Variants in AQP9 observed in about 807,000 individuals in gnomAD.
The protein encoded by AQP9 is aquaporin 9.
AQP9 carries 19 observed loss-of-function variants against 23.8 expected under a neutral mutation model. That is an observed-to-expected ratio of 0.80 (90% CI 0.56 to 1.17). The LOEUF (loss-of-function observed/expected upper bound fraction) is 1.17, where lower values mean the gene tolerates loss of function less well. Ranked by LOEUF, AQP9 falls within the 50% of genes most tolerant of loss-of-function variation. The pLI is 0.00. For missense variants in AQP9, 413 were observed against 362.0 expected (o/e 1.14, Z -1.14); for synonymous variants, 153 against 131.5 (o/e 1.16, Z -1.12).
chr15:58,142,211 T>C (rs1294701269), intron 1 of AQP9, among the ~76,000 whole-genome samples: 1 of 152,192 alleles, frequency 6.6e-6, no homozygotes, highest in African/African-American at 2.4e-5. Context: ...TGTTTGAATG[T>C]TTCCTGAAGA....
intron 2 of AQP9, among the ~76,000 whole-genome samples, chr15:58,168,548 C>T (rs570271163): frequency 2.6e-5 from 4 of 151,952 alleles, no homozygotes; most frequent in Admixed American, 6.5e-5. Context: ...TTCCATATTA[C>T]AGCCAGACTC....
chr15:58,143,107 T>C (rs1897979391), intron 1 of AQP9, among the ~76,000 whole-genome samples: 1 of 152,220 alleles, frequency 6.6e-6, no homozygotes, highest in Non-Finnish European at 1.5e-5. Context: ...CATCAGAGGA[T>C]GTCTACCGTC....
At chr15:58,170,823 TG>T (rs1898603797) in intron 2 of AQP9, among the ~76,000 whole-genome samples, 1 of 152,220 alleles carries the variant, frequency 6.6e-6, no homozygotes, top group Non-Finnish European at 1.5e-5. Context: ...AACCTACTTA[TG>T]GGAAATTTTA....
chr15:58,168,259 G>A (rs1898551048), intron 2 of AQP9, among the ~76,000 whole-genome samples: 1 of 151,812 alleles, frequency 6.6e-6, no homozygotes. Flanking sequence ...TTGAACTCCT[G>A]GACTCAAGTG....
chr15:58,144,790 C>G (rs764745212), intron 1 of AQP9, among the ~76,000 whole-genome samples: 1 of 151,060 alleles, frequency 6.6e-6, no homozygotes, highest in Non-Finnish European at 1.5e-5. Flanking sequence ...CCGAGGTGGG[C>G]GGATCAAGAG....
chr15:58,153,386 C>T (rs1898187520), intron 1 of AQP9: 2 of 152,076 alleles, frequency 1.3e-5, no homozygotes, highest in Non-Finnish European at 2.9e-5. Flanking sequence ...TCTGCTTCTA[C>T]CCTTTAATAG....
At chr15:58,169,526 C>A (rs1898576225) in intron 2 of AQP9, among the ~76,000 whole-genome samples, 1 of 152,124 alleles carries the variant, frequency 6.6e-6, no homozygotes, top group Non-Finnish European at 1.5e-5. Context: ...ACTTTCTCAT[C>A]GTGGCTGCAG....
intron 2 of AQP9, 114 bp downstream of exon 2, chr15:58,166,913 G>A: frequency 1.5e-6 from 2 of 1,347,216 alleles, no homozygotes; most frequent in Non-Finnish European, 2.0e-6. Flanking sequence ...TCCTGCAAGA[G>A]TGTGTATTGG....
intron 1 of AQP9, among the ~76,000 whole-genome samples, chr15:58,157,619 G>C (rs12594625): frequency 6.6e-6 from 1 of 151,940 alleles, no homozygotes; most frequent in African/African-American, 2.4e-5. Flanking sequence ...TTTAATCAGC[G>C]TTAGCGGGGA....
At chr15:58,161,054 G>C (rs531696698) in intron 1 of AQP9, among the ~76,000 whole-genome samples, 11 of 152,266 alleles carry the variant, frequency 7.2e-5, no homozygotes, top group African/African-American at 2.4e-4. Context: ...GGACCAGCTT[G>C]AGGACTCTGG....
At chr15:58,173,580 A>T (rs904266832) in intron 3 of AQP9, among the ~76,000 whole-genome samples, 18 of 151,760 alleles carry the variant, frequency 1.2e-4, no homozygotes, top group Non-Finnish European at 2.5e-4. Flanking sequence ...TGAGAGAAGG[A>T]CTCTGGGAAG....
In AQP9 at chr15:58,142,835, T is replaced by A. The variant is rs542477256; in HGVS notation, c.111+4159T>A. 2.0e-5 allele frequency among the ~76,000 whole-genome samples: 3 copies of A among 152,278 alleles called. No homozygotes were observed. The East Asian group carries it at 5.8e-4, about 29-fold the overall frequency. On this transcript the variant is annotated intron_variant, in intron 1 of 5. Transcript: ENST00000219919. ...ACCATCCATCTCTCCAAGTCTAGGGTGCCCAGGACTGAGGGTCACATGGAG... is the reference window on the plus strand; with the variant it reads ...ACCATCCATCTCTCCAAGTCTAGGGAGCCCAGGACTGAGGGTCACATGGAG...
chr15:58,169,922 T>A (rs1898584829), intron 2 of AQP9, among the ~76,000 whole-genome samples: 1 of 152,112 alleles, frequency 6.6e-6, no homozygotes, highest in Non-Finnish European at 1.5e-5. Context: ...GATCACAGGA[T>A]TGTGTATGGG....
At chr15:58,169,069 G>A (rs1018796264) in intron 2 of AQP9, among the ~76,000 whole-genome samples, 7 of 152,172 alleles carry the variant, frequency 4.6e-5, no homozygotes, top group Admixed American at 2.6e-4. Context: ...CACTGTAGGA[G>A]GAAAAAAGGG....
chr15:58,150,827 G>T (rs1898134864), intron 1 of AQP9: 2 of 152,098 alleles, frequency 1.3e-5, no homozygotes, highest in South Asian at 2.1e-4. Flanking sequence ...CTTAGAAATT[G>T]CTCTACTACT....
chr15:58,160,365 G>A lies in AQP9; in HGVS notation c.112-6308G>A, dbSNP rs780914938. On this transcript the variant is annotated intron_variant, in intron 1 of 5. Coordinates refer to ENST00000219919, the MANE Select transcript of AQP9 (RefSeq NM_020980.5). ...TTATTTGGATTTTGTTTGTTTGTTT[G>A]CTATTGAGTTGTTTGAGCTCCTTAT... Among the ~76,000 whole-genome samples the A allele has an allele frequency of 4.7e-4, 72 of 151,734 alleles. 1 individual carries two copies. The highest frequency in any genetic ancestry group is 1.5e-4 in the Non-Finnish European group (10 of 67,946).
intron 2 of AQP9, among the ~76,000 whole-genome samples, chr15:58,168,745 T>G (rs1183149571): frequency 1.3e-5 from 2 of 152,172 alleles, no homozygotes; most frequent in African/African-American, 4.8e-5. Context: ...ACTCTACTGC[T>G]TAACTCAAGG....
chr15:58,179,444 G>A, intron 5 of AQP9, 99 bp downstream of exon 5: 12 of 1,079,514 alleles, frequency 1.1e-5, no homozygotes, highest in Non-Finnish European at 1.6e-5. Context: ...TCAGATGACA[G>A]CGCCAACGTT....
intron 4 of AQP9, among the ~76,000 whole-genome samples, chr15:58,177,920 T>C (rs1343286005): frequency 2.0e-5 from 3 of 152,230 alleles, no homozygotes; most frequent in African/African-American, 2.4e-5. Context: ...GAGTCAACCC[T>C]ACATATCCAT....
Sources: allele counts gnomAD v4.1 joint callset (sites outside exome capture counted in the v4.1 genomes callset), GRCh38; gene constraint gnomAD v4.1.1; transcripts MANE v1.5; gene names NCBI Gene and HGNC (gene_info 2026-07-23, HGNC 2026-07-21).